The following WDHD1 variants were observed in gnomAD, a reference collection of about 807,000 sequenced individuals.
WDHD1 encodes WD repeat and HMG-box DNA-binding protein 1.
WDHD1 carries 111 observed loss-of-function variants against 135.4 expected under a neutral mutation model. The ratio of observed to expected loss-of-function variants is 0.82; its 90% confidence interval spans 0.70 to 0.96. The LOEUF (loss-of-function observed/expected upper bound fraction) is 0.96. WDHD1 is among the 40% of genes least tolerant of loss of function. The pLI is 0.00. For synonymous variants in WDHD1, 434 were observed against 439.0 expected, an observed-to-expected ratio of 0.99 and a Z score of 0.14; for missense variants, 1,351 against 1,336.3, an observed-to-expected ratio of 1.01 and a Z score of -0.17.
chr14:55,002,435 G>A (rs908264189), intron 7 of WDHD1, among the ~76,000 whole-genome samples: 2 of 151,878 alleles, frequency 1.3e-5, no homozygotes, highest in Non-Finnish European at 2.9e-5. Context: ...TGTGCCAGGC[G>A]CAAATCTGTA....
At chr14:54,995,275 C>T (rs1413989208) in intron 11 of WDHD1, among the ~76,000 whole-genome samples, 1 of 152,120 alleles carries the variant, frequency 6.6e-6, no homozygotes, top group African/African-American at 2.4e-5. Flanking sequence ...GCCACCGTGC[C>T]CGGCCTTATT....
intron 24 of WDHD1, among the ~76,000 whole-genome samples, chr14:54,947,227 TA>T (rs753642920): frequency 2.2e-4 from 33 of 152,158 alleles, no homozygotes; most frequent in Admixed American, 1.6e-3. Context: ...TAATCACAGC[TA>T]CTCAGGAGGC....
At chr14:55,022,700 CA>C (rs2042369881) in intron 2 of WDHD1, among the ~76,000 whole-genome samples, 1 of 147,810 alleles carries the variant, frequency 6.8e-6, no homozygotes, top group Non-Finnish European at 1.5e-5. Flanking sequence ...AACAAACAAA[CA>C]AACAAAAAAC....
chr14:54,977,273 G>A (rs2041540672), intron 16 of WDHD1, among the ~76,000 whole-genome samples: 1 of 152,160 alleles, frequency 6.6e-6, no homozygotes, highest in Admixed American at 6.6e-5. Flanking sequence ...CTATTATAAA[G>A]TGTCTAGGAA....
intron 10 of WDHD1, 31 bp downstream of exon 10, chr14:55,000,472 G>A (rs985236224): frequency 3.3e-6 from 5 of 1,535,806 alleles, no homozygotes; most frequent in Non-Finnish European, 4.4e-6. Context: ...GAAACATTTT[G>A]AAGAAACTGT....
intron 16 of WDHD1, among the ~76,000 whole-genome samples, chr14:54,977,831 A>G (rs2041551511): frequency 6.6e-6 from 1 of 151,998 alleles, no homozygotes; most frequent in Admixed American, 6.6e-5. Flanking sequence ...AGCTGTAATT[A>G]TCGTAGTTTT....
chr14:55,009,087 G>A (rs974333557), intron 4 of WDHD1, among the ~76,000 whole-genome samples: 1 of 152,058 alleles, frequency 6.6e-6, no homozygotes, highest in East Asian at 1.9e-4. Flanking sequence ...GAGCCACTAC[G>A]CCTGTCCAAG....
At chr14:54,959,605 G>A (rs766554165) in intron 21 of WDHD1, among the ~76,000 whole-genome samples, 16 of 152,022 alleles carry the variant, frequency 1.1e-4, no homozygotes, top group Admixed American at 4.6e-4. Flanking sequence ...TCTACAAAAA[G>A]TACACACAAA....
In WDHD1 at chr14:54,966,646, C is replaced by T. The variant is rs775921985; in HGVS notation, c.2179-40G>A. The T allele has an allele frequency of 1.4e-5, 22 of 1,567,930 alleles. No homozygotes were observed. The South Asian group carries it at 2.5e-4, about 18-fold the overall frequency. ...AAAATTGCTTAAGGCCAACTATCAC[C>T]TTAATATGAGGCAAGCGTTAAATAT... On this transcript the variant is annotated intron_variant, in intron 17 of 25. Coordinates refer to ENST00000360586, the MANE Select transcript of WDHD1 (RefSeq NM_007086.4).
rs544170171 is a variant in WDHD1, at chr14:54,979,528, AATCTGGAATTTAACATTTT to A, written c.2063+1993_2063+2011del. Among the ~76,000 whole-genome samples, 7 of 152,228 alleles carry A rather than the reference AATCTGGAATTTAACATTTT, an allele frequency of 4.6e-5. 1 individual carries two copies. In the South Asian group the frequency reaches 1.5e-3, roughly 32 times the overall value. Reference sequence around the variant, plus strand: ...TTTCTTTACCTCCCATGCCCACCCCAATCTGGAATTTAACATTTTATCACTTTTATCAGAGTCACCGTTA... The same window carrying A: ...TTTCTTTACCTCCCATGCCCACCCCAATCACTTTTATCAGAGTCACCGTTA... On this transcript the variant is annotated intron_variant, in intron 16 of 25. Coordinates refer to ENST00000360586, the MANE Select transcript of WDHD1 (RefSeq NM_007086.4).
intron 14 of WDHD1, among the ~76,000 whole-genome samples, chr14:54,985,616 T>C (rs190786708): frequency 5.9e-5 from 9 of 152,328 alleles, no homozygotes; most frequent in Non-Finnish European, 1.2e-4. Context: ...AAGAGGAGCA[T>C]GATCTATATT....
At chr14:54,989,602 AAC>A (rs1452400151) in intron 12 of WDHD1, among the ~76,000 whole-genome samples, 2 of 152,162 alleles carry the variant, frequency 1.3e-5, no homozygotes, top group African/African-American at 2.4e-5. Context: ...TGCAAATAAC[AAC>A]AGACTTTTTT....
chr14:54,968,256 C>T (rs1320962153), intron 16 of WDHD1, among the ~76,000 whole-genome samples: 1 of 152,038 alleles, frequency 6.6e-6, no homozygotes, highest in Non-Finnish European at 1.5e-5. Flanking sequence ...CAACATACTC[C>T]AGAATGACTT....
chr14:54,984,678 A>G (rs369805682), intron 15 of WDHD1, 45 bp downstream of exon 15: 92 of 1,495,102 alleles, frequency 6.2e-5, no homozygotes, highest in Non-Finnish European at 5.4e-5. Flanking sequence ...AAGAATATCT[A>G]ACACTTTATA....
chr14:54,952,470 C>G (rs2041075412), intron 24 of WDHD1, among the ~76,000 whole-genome samples: 1 of 152,280 alleles, frequency 6.6e-6, no homozygotes, highest in African/African-American at 2.4e-5. Flanking sequence ...GAACTACAAA[C>G]CACTGCTCAA....
At chr14:54,994,760 CA>C (rs371199804) in intron 11 of WDHD1, among the ~76,000 whole-genome samples, 3,904 of 110,508 alleles carry the variant, frequency 0.035, 52 homozygotes, top group South Asian at 0.051. Flanking sequence ...GACTCCGCCT[CA>C]AAAAAAAAAA....
chr14:54,952,222 T>A (rs2041069330), intron 24 of WDHD1, among the ~76,000 whole-genome samples: 1 of 152,340 alleles, frequency 6.6e-6, no homozygotes, highest in African/African-American at 2.4e-5. Context: ...GCAGATGACA[T>A]GATTGTATAT....
chr14:54,999,086 A>C (rs1263781737), intron 10 of WDHD1, among the ~76,000 whole-genome samples: 4 of 152,204 alleles, frequency 2.6e-5, no homozygotes, highest in Non-Finnish European at 1.5e-5. Flanking sequence ...TCTCTTAGAC[A>C]AATTCCCCAA....
At chr14:54,959,896 C>T (rs2041223195) in intron 21 of WDHD1, among the ~76,000 whole-genome samples, 1 of 152,152 alleles carries the variant, frequency 6.6e-6, no homozygotes, top group Admixed American at 6.5e-5. Flanking sequence ...CCCCTTTTGT[C>T]TCTCCTGGCA....
Sources: gnomAD v4.1 joint callset for allele counts (sites outside exome capture counted in the v4.1 genomes callset) on GRCh38, gnomAD v4.1.1 for gene constraint, MANE v1.5 for transcripts, NCBI Gene and HGNC (gene_info 2026-07-23, HGNC 2026-07-21) for gene names.